Variants in ZNF569 observed in about 807,000 individuals in gnomAD.
ZNF569 encodes the protein zinc finger protein 569.
A neutral mutation model predicts 56.3 loss-of-function variants in ZNF569; 38 were observed. That is an observed-to-expected ratio of 0.68 (90% CI 0.52 to 0.88). ZNF569 has a LOEUF of 0.88. Among genes scored for constraint, ZNF569 ranks in the 40% least tolerant of loss-of-function variants. ZNF569 has a pLI of 0.00. For synonymous variants in ZNF569, 241 were observed against 262.9 expected, an observed-to-expected ratio of 0.92 and a Z score of 0.81; for missense variants, 666 against 809.2, an observed-to-expected ratio of 0.82 and a Z score of 2.15.
At chr19:37,468,696 C>CG (rs963615464), upstream of ZNF569, among the ~76,000 whole-genome samples, 1 of 152,026 alleles carries the variant, frequency 6.6e-6, no homozygotes, top group African/African-American at 2.4e-5. Flanking sequence ...TTAGTAGAGA[C>CG]GGGGTTTCAC....
Position 37,414,405 on chromosome 19 carries a change from C to A in ZNF569, c.253G>T (p.Val85Phe). 6.3e-7 allele frequency: 1 copy of A among 1,584,866 alleles called. No homozygotes were observed. The highest frequency in any genetic ancestry group is 8.6e-7 in the Non-Finnish European group (1 of 1,168,920). The change falls in exon 6 of 6, where the codon GTT (valine) becomes TTT (phenylalanine). Residue 85 changes from valine (V) to phenylalanine (F), a missense_variant. Transcript: ENST00000316950. Reference sequence around the variant, plus strand: ...TCCTGGTTTTTCTGATGCTCATCAACTCCCCATATTTCTCCTAAAACAGAT... The same window carrying A: ...TCCTGGTTTTTCTGATGCTCATCAAATCCCCATATTTCTCCTAAAACAGAT... ...RRHWQGEIWGVDEHQKNQDRL... is the reference protein window; with the variant it reads ...RRHWQGEIWGFDEHQKNQDRL...
chr19:37,429,384 T>C (rs2041189431), intron 3 of ZNF569, among the ~76,000 whole-genome samples: 1 of 151,632 alleles, frequency 6.6e-6, no homozygotes, highest in East Asian at 1.9e-4. Flanking sequence ...GGAGAAAGAG[T>C]TTCGTTCTCT....
chr19:37,428,691 G>C (rs1256789288), intron 3 of ZNF569, among the ~76,000 whole-genome samples: 1 of 116,062 alleles, frequency 8.6e-6, no homozygotes, highest in Non-Finnish European at 1.8e-5. Context: ...TTTTTTTTTT[G>C]AGATAGAGTC....
At chr19:37,454,779 C>A in intron 2 of ZNF569, 1 of 696,082 alleles carries the variant, frequency 1.4e-6, no homozygotes, top group Non-Finnish European at 2.6e-6. Context: ...CTTTCATTAG[C>A]TGACATTCAC....
chr19:37,441,456 G>A (rs1391699164), intron 3 of ZNF569, among the ~76,000 whole-genome samples: 1 of 152,116 alleles, frequency 6.6e-6, no homozygotes, highest in African/African-American at 2.4e-5. Context: ...CCAGGAGTTC[G>A]AGATCAGCCT....
At chr19:37,437,602 T>G (rs1256881312) in intron 3 of ZNF569, among the ~76,000 whole-genome samples, 10 of 152,182 alleles carry the variant, frequency 6.6e-5, no homozygotes, top group Admixed American at 6.5e-4. Flanking sequence ...GCAAAAAAAG[T>G]ACCAGAACTG....
At position 37,438,505 on chromosome 19, in the gene ZNF569, A is replaced by G. The variant is rs189590702; in HGVS notation, c.15+6402T>C. 5.3e-5 allele frequency among the ~76,000 whole-genome samples: 8 copies of G among 152,326 alleles called. No individual in the cohort carries two copies. The East Asian group carries it at 1.5e-3, about 29-fold the overall frequency. ...TCATTTTCAACAGCGGTGCCGAGAA[A>G]TATATTGGGGAAAGAACAGTGTCTT... On this transcript the variant is annotated intron_variant, in intron 3 of 5. Coordinates refer to ENST00000316950, the MANE Select transcript of ZNF569 (RefSeq NM_152484.3).
chr19:37,419,969 C>CTTTTTTTTTTTTTTTTT (rs60568702), intron 5 of ZNF569, among the ~76,000 whole-genome samples: 32 of 100,616 alleles, frequency 3.2e-4, no homozygotes, highest in Non-Finnish European at 4.3e-4. Flanking sequence ...TCTTTTCTTT[C>CTTTTTTTTTTTTTTTTT]TTTTTTTTTT....
chr19:37,429,120 A>G (rs543424420), intron 3 of ZNF569, among the ~76,000 whole-genome samples: 203 of 152,356 alleles, frequency 1.3e-3, no homozygotes, highest in Non-Finnish European at 2.4e-3. Context: ...CTGTCTTCCC[A>G]ATTTCTGGCC....
At chr19:37,427,297 G>A (rs539547914) in intron 3 of ZNF569, among the ~76,000 whole-genome samples, 1 of 151,818 alleles carries the variant, frequency 6.6e-6, no homozygotes, top group South Asian at 2.1e-4. Context: ...AGCCTGGGTG[G>A]CAGAGCAAGG....
At chr19:37,415,099 A>G (rs1479751285) in intron 5 of ZNF569, among the ~76,000 whole-genome samples, 2 of 152,102 alleles carry the variant, frequency 1.3e-5, no homozygotes, top group Non-Finnish European at 2.9e-5. Flanking sequence ...AAAAAAGCAA[A>G]CTATCCGATT....
At position 37,413,756 on chromosome 19, in the gene ZNF569, T is replaced by G; in HGVS notation, c.902A>C (p.Asn301Thr). The change falls in exon 6 of 6, where the codon AAT becomes ACT. Residue 301 changes from asparagine to threonine, a missense_variant. Physicochemically the swap from Asn to Thr is moderately conservative, Grantham distance 65 (BLOSUM62 0). Coordinates refer to ENST00000316950, the MANE Select transcript of ZNF569 (RefSeq NM_152484.3). ...IHTGEKPYECNECGKAFSQKQ... is the reference protein window; with the variant it reads ...IHTGEKPYECTECGKAFSQKQ... ...CTGGCTGAATGCTTTTCCACACTCATTACATTCATAAGGTTTCTCTCCAGT... is the reference window on the plus strand; with the variant it reads ...CTGGCTGAATGCTTTTCCACACTCAGTACATTCATAAGGTTTCTCTCCAGT... The G allele has an allele frequency of 6.2e-7, 1 of 1,613,640 alleles. No individual in the cohort carries two copies. Among genetic ancestry groups the G allele is most frequent in the Non-Finnish European group, 8.5e-7 (1 of 1,179,908 alleles).
Position 37,413,034 on chromosome 19 carries a change from T to C in ZNF569, c.1624A>G (p.Arg542Gly). The change falls in exon 6 of 6, where the codon AGA (arginine) becomes GGA (glycine). Residue 542 changes from arginine (R) to glycine (G), a missense_variant. Arg to Gly is a moderately radical substitution (Grantham distance 125). Coordinates refer to ENST00000316950, the MANE Select transcript of ZNF569 (RefSeq NM_152484.3). ...SQIASLTLHL[R>G]SHTGEKPYEC... ...TAAGGCTTTTCCCCTGTATGACTTC[T>C]CAAATGAAGGGTAAGGGATGCAATT... 2.5e-6 allele frequency: 4 copies of C among 1,613,976 alleles called. No individual in the cohort carries two copies. The highest frequency in any genetic ancestry group is 3.4e-6 in the Non-Finnish European group (4 of 1,179,934).
rs372933708 is a variant in ZNF569 at position 37,446,466 on chromosome 19, C to T, written c.-43-1502G>A. On this transcript the variant is annotated intron_variant, in intron 2 of 5. Coordinates refer to ENST00000316950, the MANE Select transcript of ZNF569 (RefSeq NM_152484.3). ...TTGGGAGGCTGAGGCAGGAGAATGG[C>T]GTGAACCTGAGAGGCGGAGGTTGCA... 9.4e-5 allele frequency among the ~76,000 whole-genome samples: 14 copies of T among 148,978 alleles called. No individual in the cohort carries two copies. In the South Asian group the frequency reaches 2.8e-3, roughly 30 times the overall value.
intron 3 of ZNF569, chr19:37,427,796 T>G (rs1396084087): frequency 1.9e-6 from 1 of 517,574 alleles, no homozygotes; most frequent in Non-Finnish European, 3.9e-6. Context: ...TCCCCTCATC[T>G]GGGAGGAAGA....
chr19:37,417,585 C>G (rs535618223), intron 5 of ZNF569, among the ~76,000 whole-genome samples: 1 of 152,170 alleles, frequency 6.6e-6, no homozygotes, highest in South Asian at 2.1e-4. Flanking sequence ...GCTTGTGGTA[C>G]TTTGTTTCAG....
At chr19:37,454,319 G>T (rs191634392) in intron 2 of ZNF569, among the ~76,000 whole-genome samples, 1 of 151,922 alleles carries the variant, frequency 6.6e-6, no homozygotes, top group East Asian at 1.9e-4. Flanking sequence ...TTTGATTCTT[G>T]TTATCTTGGT....
At chr19:37,430,955 C>A (rs1430934004) in intron 3 of ZNF569, among the ~76,000 whole-genome samples, 1 of 152,222 alleles carries the variant, frequency 6.6e-6, no homozygotes, top group African/African-American at 2.4e-5. Context: ...GAAGGCAACA[C>A]CAGGGAGAAC....
upstream of ZNF569, chr19:37,468,017 C>T (rs1208811065): frequency 3.9e-6 from 5 of 1,295,566 alleles, no homozygotes; most frequent in South Asian, 5.1e-5. Context: ...ACAGACTTGG[C>T]CTTACTAGCT....
Sources: allele counts gnomAD v4.1 joint callset (sites outside exome capture counted in the v4.1 genomes callset), GRCh38; gene constraint gnomAD v4.1.1; transcripts MANE v1.5; gene names NCBI Gene and HGNC (gene_info 2026-07-23, HGNC 2026-07-21).